Variants in DHX8 observed in about 807,000 individuals in gnomAD.
DHX8 encodes DEAH-box helicase 8, also known as ATP-dependent RNA helicase DHX8.
In DHX8, 67 loss-of-function variants were observed where a neutral mutation model predicts 140.7. The ratio of observed to expected loss-of-function variants is 0.48; its 90% confidence interval spans 0.39 to 0.58. The LOEUF (loss-of-function observed/expected upper bound fraction) is 0.58, where lower values mean the gene tolerates loss of function less well. Among genes scored for constraint, DHX8 ranks in the 20% least tolerant of loss-of-function variants. DHX8 has a pLI of 0.00. For missense variants in DHX8, 887 were observed against 1,550.7 expected, an observed-to-expected ratio of 0.57 and a Z score of 7.19; for synonymous variants, 533 against 553.2, an observed-to-expected ratio of 0.96 and a Z score of 0.51.
chr17:43,520,876 C>T lies in DHX8; in HGVS notation c.3063C>T (p.Pro1021=). The change falls in exon 20 of 23, where the codon CCC becomes CCT. Residue 1021 remains proline (P), a synonymous_variant. Transcript: ENST00000262415. ...CTGTGCAGAACGTCTTCTATAGGCC[C>T]AAGGTAGGAAGTTCAGATCCAAGTT... is the stretch of plus-strand genomic sequence containing the variant. The part of the protein sequence containing the change: ...MLSVQNVFYR[P]KDKQALADQK... The T allele has an allele frequency of 6.2e-7, 1 of 1,607,482 alleles. No individual in the cohort carries two copies. Among genetic ancestry groups the T allele is most frequent in the Non-Finnish European group, 8.5e-7 (1 of 1,177,586 alleles).
chr17:43,533,265 C>T lies in DHX8; in HGVS notation c.351-3147C>T, dbSNP rs751936103. ...TCTCAGGAAATTCCGTTGCTCTGCC[C>T]GGGGAAAGGGCTGTAGGGGCGACTG... On this transcript the variant is annotated intron_variant, in intron 2 of 3. Transcript: ENST00000589898. 4.3e-5 allele frequency: 70 copies of T among 1,613,658 alleles called. No homozygotes were observed. In the East Asian group the frequency reaches 6.5e-4, roughly 15 times the overall value.
chr17:43,543,296 T>TCTCTCTCTCTCA (rs888736657), intron 3 of DHX8, among the ~76,000 whole-genome samples: 231 of 143,444 alleles, frequency 1.6e-3, no homozygotes, highest in African/African-American at 3.7e-3. Context: ...TCTCTCTCTC[T>TCTCTCTCTCTCA]CACACACACA....
chr17:43,539,789 C>T (rs1430526409), intron 3 of DHX8, among the ~76,000 whole-genome samples: 3 of 152,198 alleles, frequency 2.0e-5, no homozygotes, highest in Admixed American at 2.0e-4. Context: ...GCACATCTCA[C>T]AGGGGATATT....
At chr17:43,532,684 G>T in intron 2 of DHX8, 2 of 1,612,326 alleles carry the variant, frequency 1.2e-6, no homozygotes, top group Non-Finnish European at 1.7e-6. Context: ...CTGAGTCGTA[G>T]GCGAAGTCCG....
rs1242866432 is a variant in DHX8, at chr17:43,504,048, G to A, written c.1547-596G>A. Reference sequence around the variant, plus strand: ...GCCGTGATTGCGTCACTGCACTCCAGCCTGGGAAACAGAGCAAGACCCTGT... The same window carrying A: ...GCCGTGATTGCGTCACTGCACTCCAACCTGGGAAACAGAGCAAGACCCTGT... On this transcript the variant is annotated intron_variant, in intron 11 of 22. Transcript: ENST00000262415. Among the ~76,000 whole-genome samples, 5 of 151,520 alleles carry A rather than the reference G, an allele frequency of 3.3e-5. No homozygotes were observed. The East Asian group carries it at 7.8e-4, about 24-fold the overall frequency.
intron 3 of DHX8, among the ~76,000 whole-genome samples, chr17:43,540,707 C>T (rs1336220849): frequency 1.3e-5 from 2 of 152,122 alleles, no homozygotes; most frequent in Non-Finnish European, 2.9e-5. Flanking sequence ...GGGTAAGAGG[C>T]CAAATCTGTC....
At chr17:43,533,710 C>G (rs755273382) in intron 2 of DHX8, 2 of 1,020,496 alleles carry the variant, frequency 2.0e-6, no homozygotes, top group Non-Finnish European at 2.8e-6. Context: ...AGAGGAAATC[C>G]TTAGCTGTAT....
At position 43,491,260 on chromosome 17, in the gene DHX8, C is replaced by A. The variant is rs768177682; in HGVS notation, c.393+10C>A. 1 of 1,456,070 alleles carries A rather than the reference C, an allele frequency of 6.9e-7. No individual in the cohort carries two copies. Among genetic ancestry groups the A allele is most frequent in the Non-Finnish European group, 9.2e-7 (1 of 1,081,696 alleles). 90.2% of individuals were successfully genotyped at this position (1,456,070 alleles called of 1,614,324 possible). A position where few individuals can be genotyped will look rare whatever the true frequency, so the allele number is the denominator to read the frequency against. On this transcript the variant is annotated intron_variant, in intron 4 of 22. Transcript: ENST00000262415. ...CAACCCTTCTGTTCGGGTACTGATACCATTTTAAGAGTGTCTACTATAAAT... is the reference window on the plus strand; with the variant it reads ...CAACCCTTCTGTTCGGGTACTGATAACATTTTAAGAGTGTCTACTATAAAT...
intron 9 of DHX8, among the ~76,000 whole-genome samples, chr17:43,497,353 G>A (rs1968925013): frequency 1.3e-5 from 2 of 152,046 alleles, no homozygotes; most frequent in Admixed American, 1.3e-4. Flanking sequence ...CATATGAGTT[G>A]TTTCTTGGTT....
chr17:43,487,957 A>G (rs1418299371), intron 1 of DHX8, among the ~76,000 whole-genome samples: 1 of 152,110 alleles, frequency 6.6e-6, no homozygotes, highest in East Asian at 1.9e-4. Context: ...AGCCTGAGAG[A>G]CAGAGTGAGA....
intron 16 of DHX8, 136 bp downstream of exon 16, chr17:43,508,656 C>G (rs570345683): frequency 1.9e-5 from 11 of 578,754 alleles, no homozygotes; most frequent in Admixed American, 3.6e-5. Flanking sequence ...GAGTCTCGCT[C>G]TCACCCAGGC....
downstream of DHX8, chr17:43,527,915 G>C: frequency 4.3e-6 from 1 of 233,036 alleles, no homozygotes; most frequent in Non-Finnish European, 8.5e-6. Flanking sequence ...CCCAGGCCTG[G>C]GCCTAGGAAA....
rs1970513228 is a variant in DHX8 at position 43,523,997 on chromosome 17, TA to T, written c.*154del. 3 of 1,445,974 alleles carry T rather than the reference TA, an allele frequency of 2.1e-6. No individual in the cohort carries two copies. The highest frequency in any genetic ancestry group is 2.7e-6 in the Non-Finnish European group (3 of 1,104,128). The allele number at this position is 1,445,974 out of a possible 1,614,324, so 89.6% of individuals were successfully genotyped here. A position where few individuals can be genotyped will look rare whatever the true frequency, so the allele number is the denominator to read the frequency against. Reference sequence around the variant, plus strand: ...TCGACTCTCATTTCTTCCCTGCTGGTAAAATAGAAACAGGGATTTAAACCTG... The same window carrying T: ...TCGACTCTCATTTCTTCCCTGCTGGTAAATAGAAACAGGGATTTAAACCTG... On this transcript the variant is annotated 3_prime_UTR_variant, in exon 23 of 23. Coordinates refer to ENST00000262415, the MANE Select transcript of DHX8 (RefSeq NM_004941.3).
At position 43,490,443 on chromosome 17, in the gene DHX8, C is replaced by A. The variant is rs140417322; in HGVS notation, c.287C>A (p.Ala96Glu). 5 of 1,613,618 alleles carry A rather than the reference C, an allele frequency of 3.1e-6. No homozygotes were observed. The highest frequency in any genetic ancestry group is 4.2e-6 in the Non-Finnish European group (5 of 1,179,862). ...LRLIQTMRPP[A>E]KPSTSKDPVV... The stretch of plus-strand genomic sequence containing the variant: ...CTCATACAAACCATGCGGCCTCCAG[C>A]GAAGCCTTCCACTAGCAAAGGTAAG... Residue 96 changes from alanine to glutamate, a missense_variant, in exon 3 of 23, where the codon GCG becomes GAG. This residue lies in a region of DHX8 where 304 missense variants were observed against 306.9 expected (regional missense o/e 0.99). Transcript: ENST00000262415.
chr17:43,530,343 A>G (rs1970848359), downstream of DHX8: 2 of 1,477,282 alleles, frequency 1.4e-6, no homozygotes, highest in Admixed American at 4.6e-5. Context: ...TCCCAGGGAA[A>G]GTTCACCCAG....
downstream of DHX8, chr17:43,530,395 C>T (rs900708969): frequency 8.4e-6 from 12 of 1,427,644 alleles, no homozygotes; most frequent in African/African-American, 2.9e-5. Flanking sequence ...TTGAGGGCTG[C>T]GGCTGAGGCC....
At chr17:43,522,280 T>C in intron 22 of DHX8, 54 bp downstream of exon 22, 1 of 1,537,694 alleles carries the variant, frequency 6.5e-7, no homozygotes, top group Non-Finnish European at 8.8e-7. Flanking sequence ...GAAAAACCTG[T>C]AAATTTCCTG....
At chr17:43,520,690 C>G in intron 19 of DHX8, 61 bp from the exon 20 acceptor site, 3 of 1,609,276 alleles carry the variant, frequency 1.9e-6, no homozygotes, top group South Asian at 1.1e-5. Flanking sequence ...AGGTCTTGCT[C>G]TGGTGAATCC....
chr17:43,539,159 G>A (rs1386522414), intron 3 of DHX8, among the ~76,000 whole-genome samples: 1 of 152,142 alleles, frequency 6.6e-6, no homozygotes, highest in Non-Finnish European at 1.5e-5. Context: ...AAATCCAAAC[G>A]CTTGCCCTTG....
Sources: allele counts gnomAD v4.1 joint callset (sites outside exome capture counted in the v4.1 genomes callset), GRCh38; gene constraint gnomAD v4.1.1; regional missense constraint gnomAD v4.1.1; transcripts MANE v1.5; gene names NCBI Gene and HGNC (gene_info 2026-07-23, HGNC 2026-07-21).